GRID1: variants seen among roughly 807,000 people sequenced by gnomAD.
GRID1 encodes glutamate ionotropic receptor delta type subunit 1, also known as glutamate receptor ionotropic, delta-1.
Under a neutral mutation model 98.0 loss-of-function variants are expected in GRID1, and 28 were observed. The observed-to-expected ratio is 0.29, with a 90% CI of 0.21 to 0.39. The LOEUF is 0.39. GRID1 is among the 10% of genes least tolerant of loss of function. The pLI is 1.00. For synonymous variants in GRID1, 553 were observed against 538.5 expected (o/e 1.03, Z -0.37); for missense variants, 1,111 against 1,340.5 (o/e 0.83, Z 2.67).
At chr10:86,198,304 T>C (rs1845904007) in intron 3 of GRID1, among the ~76,000 whole-genome samples, 1 of 152,054 alleles carries the variant, frequency 6.6e-6, no homozygotes, top group Admixed American at 6.6e-5. Flanking sequence ...GGGCAAGGTG[T>C]GTAACCTGCA....
At chr10:85,716,771 T>A (rs1370820184) in intron 12 of GRID1, among the ~76,000 whole-genome samples, 1 of 150,186 alleles carries the variant, frequency 6.7e-6, no homozygotes, top group African/African-American at 2.4e-5. Flanking sequence ...ATTTCCATTG[T>A]GACAACATGG....
intron 13 of GRID1, among the ~76,000 whole-genome samples, chr10:85,641,927 T>C (rs75564724): frequency 0.065 from 9,962 of 152,230 alleles, 703 homozygotes; most frequent in African/African-American, 0.17. Flanking sequence ...TGTTAAATGG[T>C]GCAGAGCTGC....
chr10:86,270,896 G>A (rs1470597636), intron 2 of GRID1, among the ~76,000 whole-genome samples: 1 of 152,142 alleles, frequency 6.6e-6, no homozygotes, highest in Non-Finnish European at 1.5e-5. Context: ...AACAAGGCAA[G>A]CCCTACAATT....
At chr10:86,318,856 C>T (rs1847932816) in intron 2 of GRID1, among the ~76,000 whole-genome samples, 2 of 152,180 alleles carry the variant, frequency 1.3e-5, no homozygotes, top group Non-Finnish European at 1.5e-5. Flanking sequence ...TCCATTCTAG[C>T]AGGAGAGAAA....
At chr10:86,036,771 C>A (rs907174459) in intron 4 of GRID1, among the ~76,000 whole-genome samples, 1 of 152,162 alleles carries the variant, frequency 6.6e-6, no homozygotes, top group African/African-American at 2.4e-5. Flanking sequence ...AGATGAGGAT[C>A]GACTGAAACA....
At position 86,206,658 on chromosome 10, in the gene GRID1, G is replaced by C; in HGVS notation, c.236-10C>G. ...GTCATGAGGTCACAGGCTAGAAAGA[G>C]AGAAGAGAGAGAGGAAGGGGTCAGC... On this transcript the variant is annotated splice_polypyrimidine_tract_variant and intron_variant, in intron 2 of 15. Coordinates refer to ENST00000327946, the MANE Select transcript of GRID1 (RefSeq NM_017551.3). The surrounding 1 kb of genome is among the most constrained non-coding windows in gnomAD (Gnocchi z 4.1). The C allele has an allele frequency of 1.2e-6, 2 of 1,605,630 alleles. No individual in the cohort carries two copies. Among genetic ancestry groups the C allele is most frequent in the Non-Finnish European group, 1.7e-6 (2 of 1,173,358 alleles).
intron 4 of GRID1, among the ~76,000 whole-genome samples, chr10:85,968,311 C>T (rs567467001): frequency 1.8e-4 from 28 of 152,104 alleles, no homozygotes; most frequent in Admixed American, 2.6e-4. Flanking sequence ...ATTTGCTGGG[C>T]CTGGTGGCGG....
At chr10:86,019,110 TAAAAGTACAGAGGAA>T (rs1002294678) in intron 4 of GRID1, among the ~76,000 whole-genome samples, 8 of 152,060 alleles carry the variant, frequency 5.3e-5, no homozygotes, top group Non-Finnish European at 8.8e-5. Flanking sequence ...CCCTCTCCTA[TAAAAGTACAGAGGAA>T]AAGAGATAGG....
chr10:86,010,695 G>A (rs1157116972), intron 4 of GRID1, among the ~76,000 whole-genome samples: 2 of 151,844 alleles, frequency 1.3e-5, no homozygotes, highest in Non-Finnish European at 2.9e-5. Flanking sequence ...GTGTGCACCT[G>A]TAGTCCCAGC....
Position 85,745,795 on chromosome 10 carries a change from C to T in GRID1, c.1234-16181G>A, listed in dbSNP as rs996706009. 8.0e-5 allele frequency among the ~76,000 whole-genome samples: 12 copies of T among 150,930 alleles called. No individual in the cohort carries two copies. In the East Asian group the frequency reaches 1.6e-3, roughly 20 times the overall value. On this transcript the variant is annotated intron_variant, in intron 8 of 15. Transcript: ENST00000327946. ...TAGACAAAATGGGTTAGAGACAATG[C>T]AGAATAAGAGAGACATTTAGATCCC...
chr10:85,708,399 G>C (rs1281659940), intron 12 of GRID1, among the ~76,000 whole-genome samples: 2 of 143,928 alleles, frequency 1.4e-5, no homozygotes, highest in Non-Finnish European at 3.0e-5. Context: ...GCAAGACTCT[G>C]TCTCAAAAAA....
chr10:85,632,986 T>C (rs1372808387), intron 13 of GRID1, among the ~76,000 whole-genome samples: 1 of 152,260 alleles, frequency 6.6e-6, no homozygotes, highest in Non-Finnish European at 1.5e-5. Flanking sequence ...TTTGGTTTTC[T>C]GTTCCTGTGT....
intron 12 of GRID1, among the ~76,000 whole-genome samples, chr10:85,708,483 A>C (rs759171483): frequency 2.6e-5 from 4 of 152,222 alleles, no homozygotes; most frequent in African/African-American, 7.2e-5. Context: ...TACCTAAAGC[A>C]CAATGATTCA....
At chr10:86,032,829 T>TAAAAAAAAAA (rs58350170) in intron 4 of GRID1, among the ~76,000 whole-genome samples, 1 of 109,884 alleles carries the variant, frequency 9.1e-6, no homozygotes, top group Non-Finnish European at 1.8e-5. Context: ...AATAAATACT[T>TAAAAAAAAAA]AAAAAAAAAA....
intron 15 of GRID1, among the ~76,000 whole-genome samples, chr10:85,608,802 C>G (rs1842701105): frequency 6.6e-6 from 1 of 152,182 alleles, no homozygotes; most frequent in African/African-American, 2.4e-5. Flanking sequence ...TTGAGATACA[C>G]AGCGGTGTAT....
chr10:85,724,731 C>G lies in GRID1; in HGVS notation c.1534-55G>C. ...GCAGTCCTCAGCTTACTGCTGGGTT[C>G]TGCCCTGGGTCAAGGTCCACCCTCT... On this transcript the variant is annotated intron_variant, in intron 10 of 15. Coordinates refer to ENST00000327946, the MANE Select transcript of GRID1 (RefSeq NM_017551.3). 3 of 1,475,562 alleles carry G rather than the reference C, an allele frequency of 2.0e-6. No individual in the cohort carries two copies. The Admixed American group carries it at 5.2e-5, about 26-fold the overall frequency. 91.4% of individuals were successfully genotyped at this position (1,475,562 alleles called of 1,614,324 possible).
At chr10:86,163,889 C>T (rs1331601284) in intron 3 of GRID1, among the ~76,000 whole-genome samples, 2 of 152,092 alleles carry the variant, frequency 1.3e-5, no homozygotes, top group African/African-American at 4.8e-5. Flanking sequence ...CCCAGCACCC[C>T]CCGCTGGTAT....
intron 3 of GRID1, among the ~76,000 whole-genome samples, chr10:86,203,639 T>G (rs1018301321): frequency 6.7e-6 from 1 of 150,344 alleles, no homozygotes; most frequent in African/African-American, 2.4e-5. Flanking sequence ...CTGCACAGAA[T>G]CCAATAAAAG....
intron 2 of GRID1, among the ~76,000 whole-genome samples, chr10:86,340,466 A>G (rs1335555513): frequency 6.6e-6 from 1 of 152,112 alleles, no homozygotes; most frequent in East Asian, 1.9e-4. Context: ...ACAGAGGGAG[A>G]GAGAGCCCAC....
Sources: allele counts gnomAD v4.1 joint callset (sites outside exome capture counted in the v4.1 genomes callset), GRCh38; gene constraint gnomAD v4.1.1; non-coding constraint Gnocchi (gnomAD v3.1); transcripts MANE v1.5; gene names NCBI Gene and HGNC (gene_info 2026-07-23, HGNC 2026-07-21).